STXBP5: variants seen among roughly 807,000 people sequenced by gnomAD.
STXBP5 encodes the protein syntaxin binding protein 5, also known as syntaxin-binding protein 5.
Under a neutral mutation model 152.4 loss-of-function variants are expected in STXBP5, and 50 were observed. The ratio of observed to expected loss-of-function variants is 0.33; its 90% CI spans 0.26 to 0.42. STXBP5 has a LOEUF of 0.42. Ranked by LOEUF, STXBP5 falls within the 10% of genes least tolerant of loss-of-function variation. The pLI is 1.00. For synonymous variants in STXBP5, 492 were observed against 494.7 expected, an observed-to-expected ratio of 0.99 and a Z score of 0.07; for missense variants, 1,167 against 1,388.6, an observed-to-expected ratio of 0.84 and a Z score of 2.54.
At chr6:147,225,030 C>T (rs1270834039) in intron 2 of STXBP5, among the ~76,000 whole-genome samples, 2 of 152,106 alleles carry the variant, frequency 1.3e-5, no homozygotes, top group Admixed American at 6.5e-5. Flanking sequence ...TATCAAAATA[C>T]TTAAAAAGGT....
At chr6:147,244,554 A>C (rs1366492660) in intron 4 of STXBP5, among the ~76,000 whole-genome samples, 2 of 152,182 alleles carry the variant, frequency 1.3e-5, no homozygotes, top group South Asian at 2.1e-4. Context: ...TTATTAATGA[A>C]TGGTGTCTTA....
intron 10 of STXBP5, 27 bp from the exon 11 acceptor site, chr6:147,311,428 T>C: frequency 6.3e-7 from 1 of 1,598,546 alleles, no homozygotes; most frequent in South Asian, 1.1e-5. Context: ...TTTTTGAAAC[T>C]ATAATTCATG....
At chr6:147,242,219 A>G (rs1159202554) in intron 4 of STXBP5, among the ~76,000 whole-genome samples, 1 of 151,990 alleles carries the variant, frequency 6.6e-6, no homozygotes, top group Non-Finnish European at 1.5e-5. Flanking sequence ...TAAATTAAAC[A>G]TATAAAAAAG....
At chr6:147,230,525 G>A (rs555209014) in intron 2 of STXBP5, among the ~76,000 whole-genome samples, 45 of 151,988 alleles carry the variant, frequency 3.0e-4, no homozygotes, top group African/African-American at 7.7e-4. Flanking sequence ...TATAGAATTA[G>A]ACCAATCTGG....
chr6:147,367,983 A>T (rs557732732), intron 25 of STXBP5, among the ~76,000 whole-genome samples: 1 of 152,260 alleles, frequency 6.6e-6, no homozygotes, highest in East Asian at 1.9e-4. Flanking sequence ...GATAACCGAA[A>T]TAGTCCTGTG....
At position 147,385,730 on chromosome 6, in the gene STXBP5, TAAAA is replaced by T. The variant is rs995556551; in HGVS notation, c.*981_*984del. The T allele has an allele frequency of 2.0e-5, 3 of 151,568 alleles. No homozygotes were observed. The highest frequency in any genetic ancestry group is 7.3e-5 in the African/African-American group (3 of 41,282). The allele number at this position is 151,568 out of a possible 1,614,324, so 9.4% of individuals were successfully genotyped here. A position where few individuals can be genotyped will look rare whatever the true frequency, so the allele number is the denominator to read the frequency against. ...TTTGCATTCTTTAATTAAAATTGCTTAAAAAAAAACTTTCATTATTTCAGTAAAA... is the reference window on the plus strand; with the variant it reads ...TTTGCATTCTTTAATTAAAATTGCTTAAAAACTTTCATTATTTCAGTAAAA... On this transcript the variant is annotated 3_prime_UTR_variant, in exon 28 of 28. Coordinates refer to ENST00000321680, the MANE Select transcript of STXBP5 (RefSeq NM_001127715.4).
chr6:147,285,748 T>C (rs1183525661), intron 8 of STXBP5, among the ~76,000 whole-genome samples: 1 of 152,190 alleles, frequency 6.6e-6, no homozygotes, highest in Non-Finnish European at 1.5e-5. Context: ...TTGCAAGATA[T>C]AGAAGCTCAG....
At chr6:147,260,028 A>T (rs1430676774) in intron 4 of STXBP5, among the ~76,000 whole-genome samples, 1 of 152,210 alleles carries the variant, frequency 6.6e-6, no homozygotes, top group African/African-American at 2.4e-5. Flanking sequence ...GACTGAGTAC[A>T]GGTGATCTCA....
intron 21 of STXBP5, among the ~76,000 whole-genome samples, chr6:147,349,227 C>T (rs534108101): frequency 3.9e-5 from 6 of 151,946 alleles, no homozygotes; most frequent in African/African-American, 1.4e-4. Flanking sequence ...TTTAAGACAC[C>T]TTACACAAGA....
chr6:147,258,722 C>T (rs148187993), intron 4 of STXBP5, among the ~76,000 whole-genome samples: 253 of 152,258 alleles, frequency 1.7e-3, no homozygotes, highest in South Asian at 4.6e-3. Flanking sequence ...CGTGAGCCAC[C>T]GCGCCCAGCC....
chr6:147,302,500 C>T (rs561307318), intron 9 of STXBP5, among the ~76,000 whole-genome samples: 1 of 151,970 alleles, frequency 6.6e-6, no homozygotes, highest in South Asian at 2.1e-4. Context: ...CAAACACAAG[C>T]CAGGATGCAG....
chr6:147,368,102 G>A (rs926297860), intron 25 of STXBP5, among the ~76,000 whole-genome samples: 22 of 152,152 alleles, frequency 1.4e-4, no homozygotes, highest in East Asian at 5.8e-4. Context: ...AAATAACACC[G>A]GTTCACAAAC....
intron 2 of STXBP5, among the ~76,000 whole-genome samples, chr6:147,225,390 C>T (rs1327848931): frequency 3.9e-5 from 6 of 152,108 alleles, no homozygotes; most frequent in African/African-American, 1.4e-4. Context: ...TCACAGTTCT[C>T]CAGTTGCTTT....
At chr6:147,259,653 C>T (rs1421397513) in intron 4 of STXBP5, among the ~76,000 whole-genome samples, 1 of 152,006 alleles carries the variant, frequency 6.6e-6, no homozygotes, top group Non-Finnish European at 1.5e-5. Context: ...TATTGACAGG[C>T]TGGCAGTCAT....
At chr6:147,320,878 G>A (rs945769309) in intron 16 of STXBP5, among the ~76,000 whole-genome samples, 1 of 151,952 alleles carries the variant, frequency 6.6e-6, no homozygotes, top group Admixed American at 6.6e-5. Context: ...AGAATGCATG[G>A]GAAGATTGTA....
At chr6:147,315,453 ATG>A (rs1782594621) in intron 14 of STXBP5, 60 bp from the exon 15 acceptor site, 1 of 1,154,976 alleles carries the variant, frequency 8.7e-7, no homozygotes, top group Admixed American at 2.3e-5. Flanking sequence ...GAGTGATTAA[ATG>A]TTACCTTATG....
At chr6:147,318,721 T>G (rs1042514186) in intron 16 of STXBP5, among the ~76,000 whole-genome samples, 3 of 152,228 alleles carry the variant, frequency 2.0e-5, no homozygotes, top group Admixed American at 6.5e-5. Flanking sequence ...GAGTCCTTTT[T>G]GTTGTTGGCA....
In STXBP5 at chr6:147,339,428, T is replaced by G. The variant is rs1466502157; in HGVS notation, c.2254+44T>G. On this transcript the variant is annotated intron_variant, in intron 21 of 27. Transcript: ENST00000321680. ...TATTTTGTTTCTAATCCTTGCTATA[T>G]GCAGTGCTAACCCAACACCAGAATT... The G allele has an allele frequency of 2.1e-6, 3 of 1,405,742 alleles. No individual in the cohort carries two copies. In the African/African-American group the frequency reaches 4.4e-5, roughly 21 times the overall value. 87.1% of individuals were successfully genotyped at this position (1,405,742 alleles called of 1,614,324 possible).
intron 6 of STXBP5, among the ~76,000 whole-genome samples, chr6:147,266,081 G>A (rs1019546525): frequency 2.6e-5 from 4 of 152,030 alleles, no homozygotes; most frequent in African/African-American, 9.7e-5. Flanking sequence ...CCCAGGTAGC[G>A]AGGCAGCATG....
Sources: gnomAD v4.1 joint callset for allele counts (sites outside exome capture counted in the v4.1 genomes callset) on GRCh38, gnomAD v4.1.1 for gene constraint, MANE v1.5 for transcripts, NCBI Gene and HGNC (gene_info 2026-07-23, HGNC 2026-07-21) for gene names.